The following NSUN3 variants were observed in gnomAD, a reference collection of about 807,000 sequenced individuals.
NSUN3 encodes the protein NOP2/Sun RNA methyltransferase 3, also known as tRNA (cytosine(34)-C(5))-methyltransferase, mitochondrial.
In NSUN3, 24 loss-of-function variants were observed where a neutral mutation model predicts 36.8. The ratio of observed to expected loss-of-function variants is 0.65; its 90% CI spans 0.47 to 0.92. The LOEUF (loss-of-function observed/expected upper bound fraction) is 0.92, where lower values mean the gene tolerates loss of function less well. NSUN3 is among the 40% of genes least tolerant of loss of function. NSUN3 has a pLI of 0.00. For missense variants in NSUN3, 381 were observed against 392.8 expected (o/e 0.97, Z 0.25); for synonymous variants, 146 against 145.2 (o/e 1.01, Z -0.04).
chr3:94,094,929 A>T, intron 4 of NSUN3, 104 bp from the exon 5 acceptor site: 1 of 1,157,648 alleles, frequency 8.6e-7, no homozygotes, highest in Non-Finnish European at 1.2e-6. Flanking sequence ...GTTTTTACTT[A>T]TTTCCTATTT....
At position 94,084,337 on chromosome 3, in the gene NSUN3, C is replaced by T. The variant is rs765026110; in HGVS notation, c.353C>T (p.Ala118Val). 35 of 1,614,060 alleles carry T rather than the reference C, an allele frequency of 2.2e-5. No homozygotes were observed. The South Asian group carries it at 3.6e-4, about 17-fold the overall frequency. ...CTGAAAAAATATTATCTCCTAAATG[C>T]TGCTTCTCTTCTCCCAGTGTTGGCT... ...GNLKKYYLLN[A>V]ASLLPVLALE... Residue 118 changes from alanine to valine, a missense_variant, in exon 3 of 6, where the codon GCT (alanine) becomes GTT (valine). By Grantham distance (64) the Ala-to-Val change is moderately conservative. Coordinates refer to ENST00000314622, the MANE Select transcript of NSUN3 (RefSeq NM_022072.5).
chr3:94,063,081 A>G lies in NSUN3; in HGVS notation c.-46A>G, dbSNP rs967753612. 4 of 1,613,212 alleles carry G rather than the reference A, an allele frequency of 2.5e-6. No individual in the cohort carries two copies. ...TTTTCAGTTCCCTGGAGGCTTTTTG[A>G]TACTGATTCGCGTACACCTGTTGTT... On this transcript the variant is annotated 5_prime_UTR_variant, in exon 1 of 6. Transcript: ENST00000314622.
intron 5 of NSUN3, among the ~76,000 whole-genome samples, chr3:94,116,111 T>A (rs183750345): frequency 6.6e-6 from 1 of 152,326 alleles, no homozygotes; most frequent in East Asian, 1.9e-4. Context: ...GTAATAATTT[T>A]TCTTTTATTT....
rs2077500501 is a variant in NSUN3 at position 94,129,429 on chromosome 3, A to G, written c.*2939A>G. The stretch of plus-strand genomic sequence containing the variant: ...AACTAAATACATATTCTCACTTACA[A>G]ATGGGAGCTAAATATCGAGTACACA... On this transcript the variant is annotated 3_prime_UTR_variant, in exon 6 of 6. Transcript: ENST00000314622. Among the ~76,000 whole-genome samples the G allele has an allele frequency of 6.6e-6, 1 of 152,160 alleles. No individual in the cohort carries two copies. Among genetic ancestry groups the G allele is most frequent in the Non-Finnish European group, 1.5e-5 (1 of 68,032 alleles).
At position 94,128,549 on chromosome 3, in the gene NSUN3, A is replaced by G. The variant is rs1263178061; in HGVS notation, c.*2059A>G. 4 of 134,734 alleles carry G rather than the reference A, an allele frequency of 3.0e-5. No individual in the cohort carries two copies. Among genetic ancestry groups the G allele is most frequent in the Non-Finnish European group, 6.2e-5 (4 of 64,480 alleles). The allele number at this position is 134,734 out of a possible 1,614,324, so 8.3% of individuals were successfully genotyped here. Reference sequence around the variant, plus strand: ...CTTTCCTATGATTACTGAAAAATGGATGCACGTGTGTGTGTGTGTGTGTGT... The same window carrying G: ...CTTTCCTATGATTACTGAAAAATGGGTGCACGTGTGTGTGTGTGTGTGTGT... On this transcript the variant is annotated 3_prime_UTR_variant, in exon 6 of 6. Transcript: ENST00000314622.
At chr3:94,084,079 C>A (rs759688854) in intron 2 of NSUN3, 28 bp from the exon 3 acceptor site, 25 of 1,500,804 alleles carry the variant, frequency 1.7e-5, no homozygotes, top group Non-Finnish European at 2.2e-5. Flanking sequence ...TATTAATATT[C>A]TCTTATTTTC....
At chr3:94,063,183 C>T in intron 1 of NSUN3, 45 bp downstream of exon 1, 1 of 1,608,806 alleles carries the variant, frequency 6.2e-7, no homozygotes, top group South Asian at 1.1e-5. Flanking sequence ...GAATGAGACG[C>T]TTCTGGACGC....
chr3:94,120,967 T>C (rs984693506), intron 5 of NSUN3, among the ~76,000 whole-genome samples: 1 of 152,216 alleles, frequency 6.6e-6, no homozygotes, highest in Non-Finnish European at 1.5e-5. Flanking sequence ...CAACTTTACT[T>C]AGCAAATTGG....
rs903117095 is a variant in NSUN3, at chr3:94,126,428, A to C, written c.961A>C (p.Lys321Gln). 1.9e-6 allele frequency: 3 copies of C among 1,614,168 alleles called. No individual in the cohort carries two copies. Among genetic ancestry groups the C allele is most frequent in the Non-Finnish European group, 2.5e-6 (3 of 1,179,990 alleles). The change falls in exon 6 of 6, where the codon AAA becomes CAA. Residue 321 changes from lysine to glutamine, a missense_variant. Lys to Gln is a moderately conservative substitution (Grantham distance 53). Coordinates refer to ENST00000314622, the MANE Select transcript of NSUN3 (RefSeq NM_022072.5). ...GCTCTTAGTGATTCCAGATAAGGGC[A>C]AAGCCTGGGGCCCAATGTATGTAGC... ...CGLLVIPDKG[K>Q]AWGPMYVAKL...
At chr3:94,070,567 G>T (rs569011167) in intron 2 of NSUN3, among the ~76,000 whole-genome samples, 13 of 152,270 alleles carry the variant, frequency 8.5e-5, no homozygotes, top group African/African-American at 3.1e-4. Flanking sequence ...GCAAGTGACC[G>T]CAGTCAGTTT....
intron 2 of NSUN3, chr3:94,082,180 A>ACTGCC (rs1269772277): frequency 6.6e-6 from 1 of 152,176 alleles, no homozygotes; most frequent in Non-Finnish European, 1.5e-5. Context: ...ATTAGGATGA[A>ACTGCC]CTGCCGTAAG....
At chr3:94,069,192 C>T (rs970313610) in intron 2 of NSUN3, among the ~76,000 whole-genome samples, 4 of 152,076 alleles carry the variant, frequency 2.6e-5, no homozygotes, top group Non-Finnish European at 4.4e-5. Flanking sequence ...CCACCAGAAA[C>T]GCAAAGGATT....
chr3:94,069,602 G>A (rs1163114807), intron 2 of NSUN3, among the ~76,000 whole-genome samples: 2 of 152,036 alleles, frequency 1.3e-5, no homozygotes, highest in African/African-American at 4.8e-5. Context: ...TAGGAAAAAA[G>A]AATAAAGTCA....
At chr3:94,089,700 A>G (rs778038078) in intron 3 of NSUN3, among the ~76,000 whole-genome samples, 4 of 152,242 alleles carry the variant, frequency 2.6e-5, no homozygotes, top group Non-Finnish European at 5.9e-5. Context: ...GGGCCAGTGT[A>G]TAAAGTCATA....
intron 5 of NSUN3, among the ~76,000 whole-genome samples, chr3:94,105,161 GC>G (rs2077383625): frequency 6.6e-6 from 1 of 152,192 alleles, no homozygotes; most frequent in East Asian, 1.9e-4. Flanking sequence ...GGGAAAAGGT[GC>G]GTCTTTGTCA....
intron 3 of NSUN3, among the ~76,000 whole-genome samples, chr3:94,087,547 G>A (rs938532028): frequency 6.6e-6 from 1 of 152,192 alleles, no homozygotes; most frequent in Non-Finnish European, 1.5e-5. Context: ...AAACAATATG[G>A]ATTCTAAATG....
At chr3:94,064,721 G>T (rs943092276) in intron 2 of NSUN3, among the ~76,000 whole-genome samples, 175 bp downstream of exon 2, 2 of 152,294 alleles carry the variant, frequency 1.3e-5, no homozygotes, top group African/African-American at 4.8e-5. Context: ...ATCATAGCAT[G>T]TTGGAAAGGG....
intron 3 of NSUN3, among the ~76,000 whole-genome samples, chr3:94,090,290 C>T (rs1175474778): frequency 1.3e-5 from 2 of 152,070 alleles, no homozygotes; most frequent in Non-Finnish European, 1.5e-5. Context: ...ATGAAACTTG[C>T]ATTGTGACAC....
rs931353672 is a variant in NSUN3 at position 94,131,801 on chromosome 3, G to A, written c.*5311G>A. On this transcript the variant is annotated 3_prime_UTR_variant, in exon 6 of 6. Coordinates refer to ENST00000314622, the MANE Select transcript of NSUN3 (RefSeq NM_022072.5). ...ACACGCTGAACAGCCACTACTTTCAGAAATAGACTGAATAAATGTAATGCA... is the reference window on the plus strand; with the variant it reads ...ACACGCTGAACAGCCACTACTTTCAAAAATAGACTGAATAAATGTAATGCA... Among the ~76,000 whole-genome samples, 2 of 152,156 alleles carry A rather than the reference G, an allele frequency of 1.3e-5. No individual in the cohort carries two copies. The highest frequency in any genetic ancestry group is 2.9e-5 in the Non-Finnish European group (2 of 68,018).
Sources: gnomAD v4.1 joint callset for allele counts (sites outside exome capture counted in the v4.1 genomes callset) on GRCh38, gnomAD v4.1.1 for gene constraint, MANE v1.5 for transcripts, NCBI Gene and HGNC (gene_info 2026-07-23, HGNC 2026-07-21) for gene names.